SMARCA2: variants seen among roughly 807,000 people sequenced by gnomAD.
The protein encoded by SMARCA2 is SWI/SNF related BAF chromatin remodeling complex subunit ATPase 2, also known as SWI/SNF-related matrix-associated actin-dependent regulator of chromatin subfamily A member 2.
SMARCA2 carries 61 observed loss-of-function variants against 199.8 expected under a neutral mutation model. That is an observed-to-expected ratio of 0.31 (90% CI 0.25 to 0.38). SMARCA2 has a LOEUF of 0.38. Among genes scored for constraint, SMARCA2 ranks in the 10% least tolerant of loss-of-function variants. SMARCA2 has a pLI of 1.00. For missense variants in SMARCA2, 1,344 were observed against 2,012.2 expected (o/e 0.67, Z 6.35); for synonymous variants, 935 against 732.0 (o/e 1.28, Z -4.48).
At chr9:2,184,824 G>C (rs1454314006) in intron 31 of SMARCA2, among the ~76,000 whole-genome samples, 14 of 151,740 alleles carry the variant, frequency 9.2e-5, no homozygotes, top group Non-Finnish European at 1.2e-4. Context: ...GATGTCTCTG[G>C]AAAATTCTGC....
intron 28 of SMARCA2, among the ~76,000 whole-genome samples, chr9:2,167,685 G>T (rs1202343273): frequency 6.6e-6 from 1 of 152,260 alleles, no homozygotes; most frequent in Non-Finnish European, 1.5e-5. Flanking sequence ...TCTGGGAATT[G>T]TGGTAAGACT....
intron 4 of SMARCA2, chr9:2,043,676 A>G (rs186832019): frequency 1.3e-5 from 2 of 152,322 alleles, no homozygotes; most frequent in East Asian, 3.9e-4. Flanking sequence ...AATGTCCTGT[A>G]TGCCGGAAGA....
rs1826167384 is a variant in SMARCA2, at chr9:2,170,142, G to A, written c.4200-277G>A. Among the ~76,000 whole-genome samples the A allele has an allele frequency of 6.6e-6, 1 of 152,308 alleles. No homozygotes were observed. Among genetic ancestry groups the A allele is most frequent in the Admixed American group, 6.5e-5 (1 of 15,300 alleles). On this transcript the variant is annotated intron_variant, in intron 28 of 33. Transcript: ENST00000349721. The surrounding 1 kb of genome is among the most constrained non-coding windows in gnomAD (Gnocchi z 4.7). ...CTCCCACCTTCTGGAACAGTGAATG[G>A]AACATGTAAGAGGGAACAGGGTAAC...
At chr9:2,163,375 A>T (rs1354716497) in intron 28 of SMARCA2, among the ~76,000 whole-genome samples, 1 of 152,244 alleles carries the variant, frequency 6.6e-6, no homozygotes. Context: ...TCATTAATGA[A>T]GGGGAATGAC....
intron 31 of SMARCA2, 62 bp downstream of exon 31, chr9:2,182,304 G>A: frequency 1.0e-6 from 1 of 993,416 alleles, no homozygotes; most frequent in South Asian, 1.4e-5. Context: ...TTCTTTTTAA[G>A]TAGAATATTT....
chr9:2,181,749 A>AGTT (rs1827038185), intron 30 of SMARCA2, 73 bp downstream of exon 30: 1 of 846,598 alleles, frequency 1.2e-6, no homozygotes, highest in Admixed American at 1.9e-5. Context: ...AAATGGTTGT[A>AGTT]GTTGGAGCTG....
intron 21 of SMARCA2, among the ~76,000 whole-genome samples, chr9:2,099,351 A>G (rs77498707): frequency 1.3e-5 from 2 of 152,082 alleles, no homozygotes; most frequent in East Asian, 1.9e-4. Flanking sequence ...ATGGTAATCT[A>G]TGGGGGCCTT....
At chr9:2,021,960 G>GAGATCA (rs1818621742) in intron 1 of SMARCA2, 1 of 152,008 alleles carries the variant, frequency 6.6e-6, no homozygotes, top group Admixed American at 6.6e-5. Context: ...AGAAAGCCCC[G>GAGATCA]AGATCACAGA....
At position 2,047,419 on chromosome 9, in the gene SMARCA2, C is replaced by T. The variant is rs1169645112; in HGVS notation, c.981C>T (p.Arg327=). ...TCCAGCTGCAGCAGAAGCAGAGCCG[C>T]ATCAGCCCCATCCAGAAACCGCAAG... ...PVLQLQQKQS[R]ISPIQKPQGL... Residue 327 remains arginine, a synonymous_variant, in exon 5 of 34, where the codon CGC becomes CGT. Coordinates refer to ENST00000349721, the MANE Select transcript of SMARCA2 (RefSeq NM_003070.5). 8.2e-6 allele frequency: 13 copies of T among 1,588,828 alleles called. No homozygotes were observed. In the East Asian group the frequency reaches 2.4e-4, roughly 29 times the overall value.
intron 29 of SMARCA2, 144 bp from the exon 30 acceptor site, chr9:2,181,427 T>C (rs1019082229): frequency 3.3e-6 from 2 of 605,946 alleles, no homozygotes; most frequent in East Asian, 3.0e-5. Context: ...AATAGAGTTG[T>C]GGGATTTTTC....
intron 27 of SMARCA2, among the ~76,000 whole-genome samples, chr9:2,145,211 G>C (rs1252836213): frequency 6.6e-6 from 1 of 151,062 alleles, no homozygotes; most frequent in African/African-American, 2.4e-5. Context: ...GCTGAGGCAA[G>C]AGAATCATCC....
At position 2,169,044 on chromosome 9, in the gene SMARCA2, A is replaced by C. The variant is rs1307055429; in HGVS notation, c.4200-1375A>C. 6.6e-6 allele frequency among the ~76,000 whole-genome samples: 1 copy of C among 152,196 alleles called. No individual in the cohort carries two copies. Among genetic ancestry groups the C allele is most frequent in the Non-Finnish European group, 1.5e-5 (1 of 68,034 alleles). ...AAGCTTCTGTGTCTCCTTGGTCAGC[A>C]CCATCATTAGCCCAAGGTCCTAAAA... On this transcript the variant is annotated intron_variant, in intron 28 of 33. Transcript: ENST00000349721. The surrounding 1 kb of genome is among the most constrained non-coding windows in gnomAD (Gnocchi z 6.5).
chr9:2,083,292 C>G, intron 15 of SMARCA2, 55 bp from the exon 16 acceptor site: 2 of 1,164,838 alleles, frequency 1.7e-6, no homozygotes, highest in South Asian at 2.7e-5. Flanking sequence ...TCTTTTTAAC[C>G]ATTGATTTTT....
chr9:2,097,918 C>T (rs549315560), intron 21 of SMARCA2, among the ~76,000 whole-genome samples: 5 of 152,330 alleles, frequency 3.3e-5, no homozygotes, highest in African/African-American at 1.2e-4. Context: ...TTGTAAAAGA[C>T]ACTGGCTTTA....
chr9:2,020,514 A>G (rs1340517000), intron 1 of SMARCA2, among the ~76,000 whole-genome samples: 4 of 152,200 alleles, frequency 2.6e-5, no homozygotes, highest in Admixed American at 2.6e-4. Flanking sequence ...TAGGGACTAT[A>G]GGAGTCTAAA....
Position 2,039,436 on chromosome 9 carries a change from C to A in SMARCA2, c.356-30C>A. On this transcript the variant is annotated intron_variant, in intron 3 of 33. Transcript: ENST00000349721. This position sits in a 1 kb window ranked among gnomAD's most constrained non-coding sequence, Gnocchi z 4.8. ...TCTCTTTCAGGGTTGTCAGGGGCAG[C>A]CTGTGATTTCCTTTTGTGTTTTATT... 6.3e-7 allele frequency: 1 copy of A among 1,596,362 alleles called. No individual in the cohort carries two copies. The highest frequency in any genetic ancestry group is 8.6e-7 in the Non-Finnish European group (1 of 1,169,244).
chr9:2,151,812 G>C (rs780208652), intron 27 of SMARCA2, among the ~76,000 whole-genome samples: 4 of 151,934 alleles, frequency 2.6e-5, no homozygotes, highest in Non-Finnish European at 5.9e-5. Flanking sequence ...ACACAGTAAA[G>C]TCATCTCAAT....
chr9:2,068,925 T>G (rs1177989265), intron 9 of SMARCA2: 1 of 151,010 alleles, frequency 6.6e-6, no homozygotes, highest in African/African-American at 2.4e-5. Flanking sequence ...AACCTTTTGT[T>G]TTTTTTTTTG....
At chr9:2,091,124 T>C (rs1822036987) in intron 19 of SMARCA2, among the ~76,000 whole-genome samples, 1 of 152,234 alleles carries the variant, frequency 6.6e-6, no homozygotes, top group Non-Finnish European at 1.5e-5. Context: ...CAAAATTTGC[T>C]TCTTTTGGTG....
Sources: gnomAD v4.1 joint callset for allele counts (sites outside exome capture counted in the v4.1 genomes callset) on GRCh38, gnomAD v4.1.1 for gene constraint, Gnocchi (gnomAD v3.1) non-coding constraint, MANE v1.5 for transcripts, NCBI Gene and HGNC (gene_info 2026-07-23, HGNC 2026-07-21) for gene names.